TTBK2: variants seen among roughly 807,000 people sequenced by gnomAD.
TTBK2 encodes tau-tubulin kinase 2.
In TTBK2, 28 loss-of-function variants were observed where a neutral mutation model predicts 110.8. The ratio of observed to expected loss-of-function variants is 0.25; its 90% confidence interval spans 0.19 to 0.35. The LOEUF is 0.35. Among genes scored for constraint, TTBK2 ranks in the 10% least tolerant of loss-of-function variants. TTBK2 has a pLI of 1.00. For missense variants in TTBK2, 1,369 were observed against 1,500.3 expected (o/e 0.91, Z 1.45); for synonymous variants, 532 against 527.3 (o/e 1.01, Z -0.12).
chr15:42,770,986 TTC>T lies in TTBK2; in HGVS notation c.1998+4147_1998+4148del, dbSNP rs1044397312. On this transcript the variant is annotated intron_variant, in intron 13 of 14. Coordinates refer to ENST00000267890, the MANE Select transcript of TTBK2 (RefSeq NM_173500.4). Reference sequence around the variant, plus strand: ...TCTTTTTTTTCTTTCCTTTTTTTTTTTCTTTGACACAGAGTCTTGCTCTGTCG... The same window carrying T: ...TCTTTTTTTTCTTTCCTTTTTTTTTTTTTGACACAGAGTCTTGCTCTGTCG... Among the ~76,000 whole-genome samples, 63 of 142,800 alleles carry T rather than the reference TTC, an allele frequency of 4.4e-4. 1 individual carries two copies. Among genetic ancestry groups the T allele is most frequent in the Admixed American group, 8.0e-4 (11 of 13,704 alleles). The allele number at this position is 142,800 out of a possible 152,430, so 93.7% of individuals were successfully genotyped here.
intron 1 of TTBK2, among the ~76,000 whole-genome samples, chr15:42,883,073 T>C (rs532248043): frequency 2.6e-5 from 4 of 152,046 alleles, no homozygotes; most frequent in African/African-American, 7.2e-5. Context: ...TAAACAGATA[T>C]AACACTACTC....
intron 7 of TTBK2, among the ~76,000 whole-genome samples, chr15:42,813,610 T>C (rs1414014554): frequency 1.3e-5 from 2 of 152,170 alleles, no homozygotes; most frequent in South Asian, 2.1e-4. Context: ...TTTGGAAGGC[T>C]GAAGCTGGTG....
chr15:42,880,221 A>G (rs529389114), intron 1 of TTBK2, among the ~76,000 whole-genome samples: 1 of 152,276 alleles, frequency 6.6e-6, no homozygotes, highest in African/African-American at 2.4e-5. Flanking sequence ...CATCAAAGGA[A>G]GCTTTGAATG....
At chr15:42,868,489 A>G (rs1567068771) in intron 3 of TTBK2, among the ~76,000 whole-genome samples, 1 of 152,114 alleles carries the variant, frequency 6.6e-6, no homozygotes, top group Non-Finnish European at 1.5e-5. Context: ...TTTCCTCTCA[A>G]TTTTGCTGTG....
chr15:42,776,867 C>G (rs950492536), intron 12 of TTBK2, 164 bp downstream of exon 12: 51 of 668,084 alleles, frequency 7.6e-5, no homozygotes, highest in African/African-American at 1.1e-4. Flanking sequence ...TAATTAAAAA[C>G]ATGGATGAAA....
chr15:42,784,430 ACCACACTG>A (rs1187713741), intron 10 of TTBK2, among the ~76,000 whole-genome samples: 1 of 151,734 alleles, frequency 6.6e-6, no homozygotes, highest in East Asian at 1.9e-4. Flanking sequence ...GGCGCCCACC[ACCACACTG>A]GGCTATTTTT....
chr15:42,795,234 A>G lies in TTBK2; in HGVS notation c.823-433T>C, dbSNP rs573471616. On this transcript the variant is annotated intron_variant, in intron 9 of 14. Coordinates refer to ENST00000267890, the MANE Select transcript of TTBK2 (RefSeq NM_173500.4). The stretch of plus-strand genomic sequence containing the variant: ...TAACGTGTCTAGGTAAGGGGAATAT[A>G]GAAGTTCATTGTGCTTTCCTTCATT... 2.0e-5 allele frequency among the ~76,000 whole-genome samples: 3 copies of G among 151,796 alleles called. No homozygotes were observed. In the East Asian group the frequency reaches 5.8e-4, roughly 29 times the overall value.
At chr15:42,897,851 C>G (rs1002231013) in intron 1 of TTBK2, among the ~76,000 whole-genome samples, 1 of 151,762 alleles carries the variant, frequency 6.6e-6, no homozygotes, top group Non-Finnish European at 1.5e-5. Flanking sequence ...CACACACACA[C>G]ACACACACAC....
chr15:42,770,936 G>T (rs1163359119), intron 13 of TTBK2, among the ~76,000 whole-genome samples: 1 of 151,792 alleles, frequency 6.6e-6, no homozygotes, highest in Non-Finnish European at 1.5e-5. Flanking sequence ...AGCATGCCTT[G>T]CCAGGAAAGC....
chr15:42,830,000 G>T lies in TTBK2; in HGVS notation c.370C>A (p.Gln124Lys), dbSNP rs1390239560. 1.2e-6 allele frequency: 2 copies of T among 1,614,094 alleles called. No individual in the cohort carries two copies. The highest frequency in any genetic ancestry group is 2.2e-5 in the South Asian group (2 of 91,072). Residue 124 changes from glutamine to lysine, a missense_variant, in exon 5 of 15, where the codon CAG (glutamine) becomes AAG (lysine). This residue lies in a region of TTBK2 where 122 missense variants were observed against 159.7 expected (regional missense o/e 0.76). Coordinates refer to ENST00000267890, the MANE Select transcript of TTBK2 (RefSeq NM_173500.4). ...ATGCTTTCAATAGACTCCAAAATCT[G>T]TCTACCCAGCCGGAGAGTGGTACTA... is the stretch of plus-strand genomic sequence containing the variant. ...TISTTLRLGR[Q>K]ILESIESIHS...
At chr15:42,750,545 T>A in intron 14 of TTBK2, among the ~76,000 whole-genome samples, 3 of 149,534 alleles carry the variant, frequency 2.0e-5, no homozygotes, top group Non-Finnish European at 3.0e-5. Context: ...GACAGGACAA[T>A]GGAAAGTATT....
intron 1 of TTBK2, among the ~76,000 whole-genome samples, chr15:42,890,402 G>C (rs532223790): frequency 6.4e-4 from 97 of 152,272 alleles, no homozygotes; most frequent in African/African-American, 2.3e-3. Flanking sequence ...ACTTCATGAG[G>C]AAAGAAACTC....
chr15:42,789,476 G>A (rs1595910953), intron 10 of TTBK2, among the ~76,000 whole-genome samples: 1 of 152,276 alleles, frequency 6.6e-6, no homozygotes, highest in African/African-American at 2.4e-5. Flanking sequence ...GCTCATGCCT[G>A]TAATCCCAGC....
intron 1 of TTBK2, among the ~76,000 whole-genome samples, chr15:42,909,684 A>G (rs2030632962): frequency 6.6e-6 from 1 of 152,196 alleles, no homozygotes; most frequent in South Asian, 2.1e-4. Context: ...AATCTCACAA[A>G]CTACACTGAA....
chr15:42,893,484 G>A (rs1895545690), intron 1 of TTBK2, among the ~76,000 whole-genome samples: 1 of 151,786 alleles, frequency 6.6e-6, no homozygotes. Flanking sequence ...TGACAGAGAT[G>A]CTGTCTCTTA....
rs1566994354 is a variant in TTBK2, at chr15:42,742,905, C to T, written c.*2890G>A. On this transcript the variant is annotated 3_prime_UTR_variant, in exon 15 of 15. Coordinates refer to ENST00000267890, the MANE Select transcript of TTBK2 (RefSeq NM_173500.4). ...TAAAGAACTAAAAAACACAACCAAA[C>T]CAAATCAAACCAAAAACCTCATTCT... The T allele has an allele frequency of 6.6e-6, 1 of 152,126 alleles. No homozygotes were observed. Among genetic ancestry groups the T allele is most frequent in the African/African-American group, 2.4e-5 (1 of 41,420 alleles). 9.4% of individuals were successfully genotyped at this position (152,126 alleles called of 1,614,324 possible). A position where few individuals can be genotyped will look rare whatever the true frequency, so the allele number is the denominator to read the frequency against.
chr15:42,807,832 T>C (rs75510671), intron 9 of TTBK2, among the ~76,000 whole-genome samples: 1 of 152,170 alleles, frequency 6.6e-6, no homozygotes, highest in African/African-American at 2.4e-5. Context: ...AATTCTGATA[T>C]CTTCACATTT....
chr15:42,835,290 C>T (rs78808043), intron 4 of TTBK2, among the ~76,000 whole-genome samples: 7,690 of 152,116 alleles, frequency 0.051, 520 homozygotes, highest in African/African-American at 0.15. Context: ...GACAGACAAC[C>T]AGATACTGCC....
At chr15:42,747,534 C>G (rs1488228564) in intron 14 of TTBK2, among the ~76,000 whole-genome samples, 1 of 152,116 alleles carries the variant, frequency 6.6e-6, no homozygotes. Context: ...ATTAGATTCT[C>G]ATAAGGAGCG....
Sources: allele counts gnomAD v4.1 joint callset (sites outside exome capture counted in the v4.1 genomes callset), GRCh38; gene constraint gnomAD v4.1.1; regional missense constraint gnomAD v4.1.1; transcripts MANE v1.5; gene names NCBI Gene and HGNC (gene_info 2026-07-23, HGNC 2026-07-21).